STK39: variants seen among roughly 807,000 people sequenced by gnomAD.
STK39 encodes the protein serine/threonine kinase 39.
A neutral mutation model predicts 77.8 loss-of-function variants in STK39; 20 were observed. That is an observed-to-expected ratio of 0.26 (90% confidence interval 0.18 to 0.37). STK39 has a LOEUF of 0.37. Among genes scored for constraint, STK39 ranks in the 10% least tolerant of loss-of-function variants. The pLI is 1.00. For synonymous variants in STK39, 246 were observed against 234.1 expected (o/e 1.05, Z -0.47); for missense variants, 479 against 656.5 (o/e 0.73, Z 2.95).
At chr2:168,213,015 C>T (rs937730518) in intron 1 of STK39, among the ~76,000 whole-genome samples, 1 of 152,202 alleles carries the variant, frequency 6.6e-6, no homozygotes, top group African/African-American at 2.4e-5. Flanking sequence ...TCCCATGATC[C>T]ATTCATCCTG....
chr2:168,189,195 T>C (rs763847450), intron 1 of STK39, among the ~76,000 whole-genome samples: 6 of 152,220 alleles, frequency 3.9e-5, no homozygotes, highest in Non-Finnish European at 7.3e-5. Flanking sequence ...CTGGATAAAC[T>C]ATCTTACCTG....
At chr2:168,239,839 C>T (rs929627510) in intron 1 of STK39, among the ~76,000 whole-genome samples, 1 of 152,074 alleles carries the variant, frequency 6.6e-6, no homozygotes, top group African/African-American at 2.4e-5. Context: ...AGCGAAAGAC[C>T]CAACAGAGCC....
chr2:168,017,168 T>C (rs1574395100), intron 14 of STK39, 73 bp from the exon 15 acceptor site: 1 of 1,027,248 alleles, frequency 9.7e-7, no homozygotes. Context: ...TATTCAGATT[T>C]TCACAAGATG....
At chr2:168,035,150 G>A (rs1559066863) in intron 14 of STK39, among the ~76,000 whole-genome samples, 1 of 152,110 alleles carries the variant, frequency 6.6e-6, no homozygotes, top group African/African-American at 2.4e-5. Context: ...GACTGGTTAT[G>A]AATGAAAAAA....
chr2:168,214,524 T>C (rs11897414), intron 1 of STK39, among the ~76,000 whole-genome samples: 65,553 of 151,874 alleles, frequency 0.43, 14,995 homozygotes, highest in East Asian at 0.62. Flanking sequence ...GTATGGGGAA[T>C]GGTGGAAATG....
chr2:168,133,648 A>G (rs989419248), intron 8 of STK39, among the ~76,000 whole-genome samples: 1 of 152,188 alleles, frequency 6.6e-6, no homozygotes, highest in African/African-American at 2.4e-5. Flanking sequence ...ACTTGAGGTC[A>G]GGAGTTCAAG....
At chr2:168,079,068 T>C (rs1052745575) in intron 10 of STK39, among the ~76,000 whole-genome samples, 1 of 152,224 alleles carries the variant, frequency 6.6e-6, no homozygotes, top group Non-Finnish European at 1.5e-5. Context: ...CTGTTTATCA[T>C]GTACTTGAGG....
intron 16 of STK39, among the ~76,000 whole-genome samples, chr2:167,969,042 A>G (rs1343329163): frequency 6.6e-6 from 1 of 152,164 alleles, no homozygotes; most frequent in African/African-American, 2.4e-5. Flanking sequence ...TTCCTGAACG[A>G]AGTTCACTTA....
At chr2:167,979,161 TAC>T (rs1192606147) in intron 16 of STK39, among the ~76,000 whole-genome samples, 1 of 152,228 alleles carries the variant, frequency 6.6e-6, no homozygotes, top group East Asian at 1.9e-4. Context: ...TTTGTATAGA[TAC>T]ACATTTTCTT....
chr2:168,202,040 T>C (rs973892072), intron 1 of STK39, among the ~76,000 whole-genome samples: 5 of 152,298 alleles, frequency 3.3e-5, no homozygotes, highest in South Asian at 4.1e-4. Flanking sequence ...CCTGAGAAGT[T>C]TGGGCCCCCC....
chr2:168,206,127 C>G (rs1416061250), intron 1 of STK39, among the ~76,000 whole-genome samples: 1 of 152,188 alleles, frequency 6.6e-6, no homozygotes, highest in East Asian at 1.9e-4. Context: ...CAATCGCTGA[C>G]AGCAATGTCC....
chr2:168,118,196 G>A (rs1687307433), intron 10 of STK39, among the ~76,000 whole-genome samples: 1 of 151,980 alleles, frequency 6.6e-6, no homozygotes, highest in Non-Finnish European at 1.5e-5. Flanking sequence ...CAAGTAACAC[G>A]CCACTTCAGT....
intron 5 of STK39, among the ~76,000 whole-genome samples, chr2:168,159,430 C>A (rs2105579109): frequency 6.6e-6 from 1 of 152,240 alleles, no homozygotes; most frequent in African/African-American, 2.4e-5. Flanking sequence ...GACTCCTGGT[C>A]CTCATTTTTG....
chr2:168,242,560 AATATATATATAT>A (rs59941306), intron 1 of STK39, among the ~76,000 whole-genome samples: 2 of 44,868 alleles, frequency 4.5e-5, no homozygotes, highest in African/African-American at 1.1e-4. Flanking sequence ...AAAAAAAAAA[AATATATATATAT>A]ATATATATAT....
chr2:168,227,783 G>C (rs1048114794), intron 1 of STK39, among the ~76,000 whole-genome samples: 1 of 152,008 alleles, frequency 6.6e-6, no homozygotes, highest in African/African-American at 2.4e-5. Flanking sequence ...TCAGCCTCCC[G>C]AGTAGCTGAG....
At chr2:168,129,439 T>C (rs533175175) in intron 10 of STK39, 102 bp downstream of exon 10, 16 of 1,271,566 alleles carry the variant, frequency 1.3e-5, no homozygotes, top group Admixed American at 7.9e-5. Flanking sequence ...AGCGTCTGAA[T>C]AGTATATCCT....
chr2:168,093,392 A>C (rs1686577442), intron 10 of STK39, among the ~76,000 whole-genome samples: 1 of 152,178 alleles, frequency 6.6e-6, no homozygotes, highest in Non-Finnish European at 1.5e-5. Flanking sequence ...GCAACATCTT[A>C]CATGGCAGCA....
intron 1 of STK39, among the ~76,000 whole-genome samples, chr2:168,189,704 A>C (rs989628530): frequency 6.6e-6 from 1 of 152,232 alleles, no homozygotes; most frequent in African/African-American, 2.4e-5. Context: ...GAAACACAAT[A>C]GATTTTTTTA....
chr2:168,059,075 C>G (rs1051989636), intron 14 of STK39, among the ~76,000 whole-genome samples: 1 of 152,200 alleles, frequency 6.6e-6, no homozygotes, highest in Non-Finnish European at 1.5e-5. Context: ...TAACATGCTT[C>G]CTGCTTCAAA....
Sources: gnomAD v4.1 joint callset for allele counts (sites outside exome capture counted in the v4.1 genomes callset) on GRCh38, gnomAD v4.1.1 for gene constraint, MANE v1.5 for transcripts, NCBI Gene and HGNC (gene_info 2026-07-23, HGNC 2026-07-21) for gene names.